RGS5: variants seen among roughly 807,000 people sequenced by gnomAD.
The protein encoded by RGS5 is regulator of G protein signaling 5, also known as regulator of G-protein signalling 5.
Under a neutral mutation model 18.9 loss-of-function variants are expected in RGS5, and 20 were observed. The observed-to-expected ratio is 1.06, with a 90% CI of 0.74 to 1.54. RGS5 has a LOEUF of 1.54. Ranked by LOEUF, RGS5 falls within the 40% of genes most tolerant of loss-of-function variation. The pLI, the probability that RGS5 is intolerant of heterozygous loss-of-function variation, is 0.00. For missense variants in RGS5, 201 were observed against 211.8 expected (o/e 0.95, Z 0.32); for synonymous variants, 57 against 76.2 (o/e 0.75, Z 1.31).
At chr1:163,277,727 C>A (rs1174880451) in intron 2 of RGS5, among the ~76,000 whole-genome samples, 2 of 152,082 alleles carry the variant, frequency 1.3e-5, no homozygotes, top group African/African-American at 4.8e-5. Context: ...CTCTTTGAAT[C>A]AACGGGGGTC....
chr1:163,234,220 T>A (rs1179308717), intron 2 of RGS5, among the ~76,000 whole-genome samples: 1 of 152,238 alleles, frequency 6.6e-6, no homozygotes, highest in Non-Finnish European at 1.5e-5. Context: ...CTTTACCAGA[T>A]AAAATTCCTC....
Position 163,147,161 on chromosome 1 carries a change from G to T in RGS5, c.*181C>A. 2.1e-6 allele frequency: 1 copy of T among 474,054 alleles called. No individual in the cohort carries two copies. Among genetic ancestry groups the T allele is most frequent in the Non-Finnish European group, 3.5e-6 (1 of 282,640 alleles). The allele number at this position is 474,054 out of a possible 1,614,324, so 29.4% of individuals were successfully genotyped here. ...AATTGAGTGGGGAAAGAAGGCCTTC[G>T]GACAGTAGATAAGTATCCAAAGCAG... On this transcript the variant is annotated 3_prime_UTR_variant, in exon 5 of 5. Transcript: ENST00000313961.
chr1:163,247,896 T>G (rs1647989196), intron 2 of RGS5, among the ~76,000 whole-genome samples: 1 of 152,218 alleles, frequency 6.6e-6, no homozygotes, highest in African/African-American at 2.4e-5. Flanking sequence ...GAATGTTCTT[T>G]CAATCAATTA....
At chr1:163,168,117 T>A (rs16850057) in intron 2 of RGS5, 141 bp downstream of exon 2, 77,152 of 570,194 alleles carry the variant, frequency 0.14, 8,853 homozygotes, top group African/African-American at 0.42. Context: ...AGAGCTTCTT[T>A]GCAAACCAAC....
At chr1:163,152,205 C>A in intron 4 of RGS5, among the ~76,000 whole-genome samples, 1 of 152,044 alleles carries the variant, frequency 6.6e-6, no homozygotes, top group East Asian at 1.9e-4. Flanking sequence ...TAATTTAATC[C>A]TCACAACATC....
upstream of RGS5, among the ~76,000 whole-genome samples, chr1:163,204,917 G>A (rs931948161): frequency 3.3e-5 from 5 of 152,012 alleles, no homozygotes; most frequent in African/African-American, 1.2e-4. Context: ...TCTTGGCGAG[G>A]GCTAAAAATC....
At chr1:163,211,653 A>T (rs1041423568) in intron 1 of RGS5, 2 of 152,186 alleles carry the variant, frequency 1.3e-5, no homozygotes, top group Non-Finnish European at 2.9e-5. Context: ...ATTCTAATGG[A>T]AATTCCAGGA....
chr1:163,298,799 T>C (rs1211483938), intron 2 of RGS5, among the ~76,000 whole-genome samples: 1 of 152,132 alleles, frequency 6.6e-6, no homozygotes, highest in Non-Finnish European at 1.5e-5. Context: ...CTTTCTTGTA[T>C]TTGCTGTTTC....
chr1:163,174,226 A>G (rs1658438149), intron 1 of RGS5, among the ~76,000 whole-genome samples: 2 of 152,192 alleles, frequency 1.3e-5, no homozygotes, highest in Non-Finnish European at 2.9e-5. Flanking sequence ...GCATTTTTCA[A>G]TTGGCATTTA....
chr1:163,270,900 G>T (rs1005199641), intron 2 of RGS5, among the ~76,000 whole-genome samples: 1 of 152,126 alleles, frequency 6.6e-6, no homozygotes, highest in Non-Finnish European at 1.5e-5. Flanking sequence ...CCTGACCAGA[G>T]GCCTTGGTCT....
chr1:163,301,256 G>A lies in RGS5; in HGVS notation c.-281+4977C>T, dbSNP rs560862410. ...ATCAATCATTGTGGCCTATTTTAAT[G>A]GACAAAGACACAAACTGAGATAGAG... On this transcript the variant is annotated intron_variant, in intron 2 of 5. Transcript: ENST00000618415. Among the ~76,000 whole-genome samples, 3 of 152,118 alleles carry A rather than the reference G, an allele frequency of 2.0e-5. No individual in the cohort carries two copies. The South Asian group carries it at 6.2e-4, about 32-fold the overall frequency.
At chr1:163,314,318 C>T (rs1015133057) in intron 1 of RGS5, among the ~76,000 whole-genome samples, 15 of 151,896 alleles carry the variant, frequency 9.9e-5, no homozygotes, top group Admixed American at 6.6e-5. Flanking sequence ...TTTCCAAAGA[C>T]TAAAGATGAA....
intron 2 of RGS5, among the ~76,000 whole-genome samples, chr1:163,165,735 G>A (rs1224198961): frequency 6.6e-6 from 1 of 152,050 alleles, no homozygotes; most frequent in East Asian, 1.9e-4. Context: ...GAGAAACCCT[G>A]TCTCTACTAA....
At chr1:163,159,912 C>T (rs896160204) in intron 3 of RGS5, among the ~76,000 whole-genome samples, 1 of 152,082 alleles carries the variant, frequency 6.6e-6, no homozygotes. Flanking sequence ...CACATACATA[C>T]ATGAACACAC....
intron 2 of RGS5, among the ~76,000 whole-genome samples, chr1:163,259,150 A>G (rs1648355776): frequency 6.9e-6 from 1 of 145,290 alleles, no homozygotes; most frequent in East Asian, 2.6e-4. Context: ...AATAAGACAC[A>G]GTCTTAGTAT....
chr1:163,304,014 C>T lies in RGS5; in HGVS notation c.-281+2219G>A, dbSNP rs1021696934. Reference sequence around the variant, plus strand: ...AAAAACTGTCTTCCAAAAATGAGTCCCTGGTGCCAGAAAGGTTGGAAACCC... The same window carrying T: ...AAAAACTGTCTTCCAAAAATGAGTCTCTGGTGCCAGAAAGGTTGGAAACCC... On this transcript the variant is annotated intron_variant, in intron 2 of 5. Transcript: ENST00000618415. 2.0e-5 allele frequency among the ~76,000 whole-genome samples: 3 copies of T among 152,066 alleles called. No individual in the cohort carries two copies. In the East Asian group the frequency reaches 5.8e-4, roughly 29 times the overall value.
At chr1:163,205,345 TAAAA>T (rs35747068), upstream of RGS5, among the ~76,000 whole-genome samples, 5 of 72,738 alleles carry the variant, frequency 6.9e-5, no homozygotes, top group Non-Finnish European at 1.3e-4. Flanking sequence ...TTAACCACAG[TAAAA>T]AAAAAAAAAA....
In RGS5 at chr1:163,164,125, C is replaced by T. The variant is rs191888558; in HGVS notation, c.156-2149G>A. Reference sequence around the variant, plus strand: ...GGGCACAGTCAAGTAGGATACATCCCCCACAGCATGAAGCCCAGCATTTTG... The same window carrying T: ...GGGCACAGTCAAGTAGGATACATCCTCCACAGCATGAAGCCCAGCATTTTG... On this transcript the variant is annotated intron_variant, in intron 2 of 4. Coordinates refer to ENST00000313961, the MANE Select transcript of RGS5 (RefSeq NM_003617.4). 2.6e-5 allele frequency among the ~76,000 whole-genome samples: 4 copies of T among 152,234 alleles called. No homozygotes were observed. The East Asian group carries it at 7.7e-4, about 29-fold the overall frequency.
chr1:163,167,633 A>G (rs1284892206), intron 2 of RGS5, among the ~76,000 whole-genome samples: 2 of 152,192 alleles, frequency 1.3e-5, no homozygotes, highest in African/African-American at 4.8e-5. Flanking sequence ...AATCCAATCA[A>G]GAATATTAAT....
Sources: allele counts gnomAD v4.1 joint callset (sites outside exome capture counted in the v4.1 genomes callset), GRCh38; gene constraint gnomAD v4.1.1; transcripts MANE v1.5; gene names NCBI Gene and HGNC (gene_info 2026-07-23, HGNC 2026-07-21).